Variants in LGSN observed in about 807,000 individuals in gnomAD.
LGSN encodes the protein lengsin.
A neutral mutation model predicts 19.5 loss-of-function variants in LGSN; 21 were observed. The observed-to-expected ratio is 1.07, with a 90% CI of 0.76 to 1.55. The LOEUF (loss-of-function observed/expected upper bound fraction) is 1.55, where lower values mean the gene tolerates loss of function less well. LGSN is among the 40% of genes most tolerant of loss of function. LGSN has a pLI of 0.00. For missense variants in LGSN, 673 were observed against 608.5 expected (o/e 1.11, Z -1.12); for synonymous variants, 257 against 215.6 (o/e 1.19, Z -1.68).
the LGSN span, among the ~76,000 whole-genome samples, chr6:63,511,943 G>A: frequency 6.6e-6 from 1 of 152,134 alleles, no homozygotes; most frequent in Non-Finnish European, 1.5e-5. Flanking sequence ...CTAGCAAGCA[G>A]ATGCAGATTG....
the LGSN span, chr6:63,480,271 C>A: frequency 4.6e-6 from 1 of 216,456 alleles, no homozygotes. Flanking sequence ...GTCCATTGTC[C>A]GGTAATTTGT....
At chr6:63,509,285 G>A in the LGSN span, among the ~76,000 whole-genome samples, 81,251 of 151,606 alleles carry the variant, frequency 0.54, 23,580 homozygotes, top group African/African-American at 0.77. Context: ...GGCTGGTCTC[G>A]AACTCCTGAC....
chr6:63,566,897 C>G, the LGSN span, among the ~76,000 whole-genome samples: 7 of 152,194 alleles, frequency 4.6e-5, no homozygotes, highest in Non-Finnish European at 1.0e-4. Context: ...ATTCTAAATC[C>G]TTTATCATTT....
the LGSN span, among the ~76,000 whole-genome samples, chr6:63,387,543 A>G: frequency 9.5e-4 from 145 of 152,188 alleles, 2 homozygotes; most frequent in African/African-American, 3.2e-3. Context: ...CCTGGAACTA[A>G]CCCCCCACAG....
At chr6:63,384,695 T>G in the LGSN span, among the ~76,000 whole-genome samples, 1 of 152,138 alleles carries the variant, frequency 6.6e-6, no homozygotes, top group African/African-American at 2.4e-5. Context: ...TTTTGTATTT[T>G]TAGTAGAGAC....
chr6:63,438,669 C>A, the LGSN span, among the ~76,000 whole-genome samples: 1 of 152,160 alleles, frequency 6.6e-6, no homozygotes, highest in Admixed American at 6.5e-5. Flanking sequence ...CATCTCACAC[C>A]AGTTAGAATG....
chr6:63,489,858 T>C, the LGSN span, among the ~76,000 whole-genome samples: 1 of 151,992 alleles, frequency 6.6e-6, no homozygotes, highest in Middle Eastern at 3.2e-3. Context: ...TACAGACGCA[T>C]GCCACCACAA....
At chr6:63,385,353 C>T in the LGSN span, among the ~76,000 whole-genome samples, 15 of 152,168 alleles carry the variant, frequency 9.9e-5, no homozygotes, top group African/African-American at 3.6e-4. Context: ...CTTAATGATG[C>T]TGCTGAGCCA....
the LGSN span, among the ~76,000 whole-genome samples, chr6:63,456,894 TCTGTAGG>T: frequency 3.9e-5 from 6 of 152,196 alleles, no homozygotes; most frequent in African/African-American, 1.2e-4. Context: ...CTCAAGGAAT[TCTGTAGG>T]CTTTACCCTG....
the LGSN span, chr6:63,392,366 G>A: frequency 6.6e-6 from 1 of 152,410 alleles, no homozygotes; most frequent in Non-Finnish European, 1.5e-5. Context: ...TTCTGTAAAT[G>A]AGAGCAGCAC....
At chr6:63,467,486 C>A in the LGSN span, among the ~76,000 whole-genome samples, 3 of 152,042 alleles carry the variant, frequency 2.0e-5, no homozygotes, top group African/African-American at 7.2e-5. Flanking sequence ...GTTCTAGGGG[C>A]CAGAATTTCA....
the LGSN span, among the ~76,000 whole-genome samples, chr6:63,529,319 C>T: frequency 2.7e-5 from 4 of 150,042 alleles, no homozygotes; most frequent in Admixed American, 2.6e-4. Context: ...ACATTTGATA[C>T]ATAAAATGGT....
chr6:63,320,447 G>T (rs1769043961), upstream of LGSN, among the ~76,000 whole-genome samples: 1 of 151,978 alleles, frequency 6.6e-6, no homozygotes, highest in Non-Finnish European at 1.5e-5. Context: ...TTCTTTTCTA[G>T]GTCCCTCTGG....
the LGSN span, among the ~76,000 whole-genome samples, chr6:63,438,247 C>T: frequency 2.6e-5 from 4 of 152,066 alleles, no homozygotes; most frequent in African/African-American, 9.7e-5. Context: ...ACTGTCTCTA[C>T]AAAAAACACA....
At chr6:63,492,116 C>T in the LGSN span, among the ~76,000 whole-genome samples, 3 of 151,832 alleles carry the variant, frequency 2.0e-5, no homozygotes, top group Non-Finnish European at 4.4e-5. Context: ...ACAACTTTTT[C>T]CTTCTTCTTC....
the LGSN span, among the ~76,000 whole-genome samples, chr6:63,499,779 A>C: frequency 2.6e-5 from 4 of 152,042 alleles, no homozygotes; most frequent in African/African-American, 9.7e-5. Context: ...TCTTGAGCTC[A>C]AGAGGTGAAC....
chr6:63,292,233 G>A lies in LGSN; in HGVS notation c.163+2680C>T, dbSNP rs369017006. On this transcript the variant is annotated intron_variant, in intron 2 of 3. Coordinates refer to ENST00000370657, the MANE Select transcript of LGSN (RefSeq NM_016571.3). Reference sequence around the variant, plus strand: ...TCAGCCTTGGAAAACCTGAAACAAGGAAACCAGATGAGCCAACCTAGACTT... The same window carrying A: ...TCAGCCTTGGAAAACCTGAAACAAGAAAACCAGATGAGCCAACCTAGACTT... 3.9e-5 allele frequency among the ~76,000 whole-genome samples: 6 copies of A among 152,248 alleles called. No homozygotes were observed. The East Asian group carries it at 9.7e-4, about 25-fold the overall frequency.
At chr6:63,481,349 A>ATTTTT in the LGSN span, among the ~76,000 whole-genome samples, 3 of 147,928 alleles carry the variant, frequency 2.0e-5, no homozygotes, top group African/African-American at 7.6e-5. Context: ...CCCAAAAGCT[A>ATTTTT]TTTTTTTTTT....
the LGSN span, among the ~76,000 whole-genome samples, chr6:63,415,015 A>T: frequency 3.3e-5 from 5 of 152,368 alleles, no homozygotes; most frequent in East Asian, 7.7e-4. Flanking sequence ...GTTCATTTTC[A>T]TACTGCTATA....
Sources: allele counts gnomAD v4.1 joint callset (sites outside exome capture counted in the v4.1 genomes callset), GRCh38; gene constraint gnomAD v4.1.1; transcripts MANE v1.5; gene names NCBI Gene and HGNC (gene_info 2026-07-23, HGNC 2026-07-21).